The following MIA2 variants were observed in gnomAD, a reference collection of about 807,000 sequenced individuals.
MIA2 encodes the protein melanoma inhibitory activity protein 2.
MIA2 carries 127 observed loss-of-function variants against 167.8 expected under a neutral mutation model. That is an observed-to-expected ratio of 0.76 (90% confidence interval 0.66 to 0.88). MIA2 has a LOEUF of 0.88. Among genes scored for constraint, MIA2 ranks in the 40% least tolerant of loss-of-function variants. MIA2 has a pLI of 0.00. For synonymous variants in MIA2, 552 were observed against 541.9 expected (o/e 1.02, Z -0.26); for missense variants, 1,690 against 1,624.7 (o/e 1.04, Z -0.69).
Position 39,253,172 on chromosome 14 carries a change from G to A in MIA2, c.1887+1G>A. 1 of 1,608,458 alleles carries A rather than the reference G, an allele frequency of 6.2e-7. No individual in the cohort carries two copies. The highest frequency in any genetic ancestry group is 8.5e-7 in the Non-Finnish European group (1 of 1,176,692). ...ACCAATTGTAATTCTTACAGAAAGGGTAAGTTTGCCTTTTAAACCTTTTGC... is the reference window on the plus strand; with the variant it reads ...ACCAATTGTAATTCTTACAGAAAGGATAAGTTTGCCTTTTAAACCTTTTGC... On this transcript the variant is annotated splice_donor_variant, in intron 6 of 28. Coordinates refer to ENST00000640607, the MANE Select transcript of MIA2 (RefSeq NM_001329214.4). LOFTEE classifies it high-confidence loss of function.
At position 39,319,220 on chromosome 14, in the gene MIA2, C is replaced by G. The variant is rs1007022937; in HGVS notation, c.3296C>G (p.Thr1099Arg). 1.3e-6 allele frequency: 2 copies of G among 1,564,086 alleles called. No homozygotes were observed. The highest frequency in any genetic ancestry group is 2.3e-5 in the East Asian group (1 of 44,328). Reference protein sequence around the residue: ...NAHNRQKLTETELKFELLEKD... With the variant: ...NAHNRQKLTERELKFELLEKD... Reference sequence around the variant, plus strand: ...TTCTTTATTTGCAGATTAACTGAAACAGAGCTTAAATTTGAACTTTTAGAA... The same window carrying G: ...TTCTTTATTTGCAGATTAACTGAAAGAGAGCTTAAATTTGAACTTTTAGAA... The change falls in exon 23 of 29, where the codon ACA becomes AGA. Residue 1099 changes from threonine to arginine, a missense_variant. Physicochemically the swap from Thr to Arg is moderately conservative, Grantham distance 71. Transcript: ENST00000640607.
At chr14:39,291,241 A>T (rs891514014) in intron 10 of MIA2, 145 bp downstream of exon 10, 12 of 607,312 alleles carry the variant, frequency 2.0e-5, no homozygotes, top group Non-Finnish European at 3.1e-5. Flanking sequence ...GAAAATTAAT[A>T]TAGGAAATGG....
chr14:39,300,957 C>T (rs78706378), intron 14 of MIA2, among the ~76,000 whole-genome samples: 2 of 141,660 alleles, frequency 1.4e-5, no homozygotes, highest in Non-Finnish European at 3.1e-5. Context: ...TATACACATA[C>T]ATATACACAT....
At position 39,299,994 on chromosome 14, in the gene MIA2, G is replaced by C; in HGVS notation, c.2619+8G>C. On this transcript the variant is annotated splice_region_variant and intron_variant, in intron 14 of 28. Coordinates refer to ENST00000640607, the MANE Select transcript of MIA2 (RefSeq NM_001329214.4). ...AAAGAAAGTCACATCAAGGTAAATG[G>C]CTCTACTGGTTTTAGTGATCAAGTT... is the stretch of plus-strand genomic sequence containing the variant. The C allele has an allele frequency of 1.9e-6, 3 of 1,584,342 alleles. No individual in the cohort carries two copies. Among genetic ancestry groups the C allele is most frequent in the Non-Finnish European group, 2.6e-6 (3 of 1,169,922 alleles).
chr14:39,302,373 A>C (rs1351059831), intron 15 of MIA2, 124 bp downstream of exon 15: 1 of 1,098,562 alleles, frequency 9.1e-7, no homozygotes, highest in Non-Finnish European at 1.3e-6. Flanking sequence ...TCTGTCTGTG[A>C]CACACTGTCC....
intron 23 of MIA2, among the ~76,000 whole-genome samples, chr14:39,358,811 G>A (rs1386810803): frequency 1.3e-5 from 2 of 152,208 alleles, no homozygotes; most frequent in Non-Finnish European, 2.9e-5. Context: ...ATTTGCTGGA[G>A]GTCCACTCCA....
Position 39,311,466 on chromosome 14 carries a change from C to CT in MIA2, c.3018-1848dup, listed in dbSNP as rs35478238. ...TAGGACCTAGAAGCTTGATGTGTTG[C>CT]TTTTTTTTTTTTTTTTTTTTTTTTT... On this transcript the variant is annotated intron_variant, in intron 18 of 28. Coordinates refer to ENST00000640607, the MANE Select transcript of MIA2 (RefSeq NM_001329214.4). Among the ~76,000 whole-genome samples the CT allele has an allele frequency of 9.6e-3, 416 of 43,348 alleles. 45 individuals carry two copies. The highest frequency in any genetic ancestry group is 0.032 in the African/African-American group (340 of 10,784). 28.4% of individuals were successfully genotyped at this position (43,348 alleles called of 152,430 possible).
intron 1 of MIA2, 99 bp downstream of exon 1, chr14:39,234,328 C>T (rs2053636445): frequency 1.6e-6 from 1 of 643,950 alleles, no homozygotes; most frequent in Non-Finnish European, 2.6e-6. Flanking sequence ...AGTATTGATA[C>T]CATTGAGAAA....
At chr14:39,359,568 C>T (rs548465844) in intron 23 of MIA2, among the ~76,000 whole-genome samples, 3 of 152,286 alleles carry the variant, frequency 2.0e-5, no homozygotes, top group African/African-American at 7.2e-5. Flanking sequence ...TCTGCACCCA[C>T]TGTCCGACAA....
In MIA2 at chr14:39,247,041, A is replaced by C. The variant is rs768016346; in HGVS notation, c.467A>C (p.Glu156Ala). 16 of 1,603,058 alleles carry C rather than the reference A, an allele frequency of 1.0e-5. No individual in the cohort carries two copies. Among genetic ancestry groups the C allele is most frequent in the Non-Finnish European group, 1.4e-5 (16 of 1,177,076 alleles). ...EDKDEKSSIY[E>A]SDFQIEPGFY... ...AAAGATGAAAAATCTAGTATATATGAAAGTGATTTTCAGATAGAACCTGGA... is the reference window on the plus strand; with the variant it reads ...AAAGATGAAAAATCTAGTATATATGCAAGTGATTTTCAGATAGAACCTGGA... The change falls in exon 4 of 29, where the codon GAA (glutamate) becomes GCA (alanine). Residue 156 changes from glutamate to alanine, a missense_variant. Physicochemically the swap from Glu to Ala is moderately radical, Grantham distance 107 (BLOSUM62 -1). Coordinates refer to ENST00000640607, the MANE Select transcript of MIA2 (RefSeq NM_001329214.4).
At chr14:39,249,897 G>A (rs17109056) in intron 4 of MIA2, among the ~76,000 whole-genome samples, 38,386 of 151,986 alleles carry the variant, frequency 0.25, 5,430 homozygotes, top group East Asian at 0.5. Context: ...AGAACTATAC[G>A]TAATACCTTA....
Position 39,263,013 on chromosome 14 carries a change from C to A in MIA2, c.1887+9842C>A, listed in dbSNP as rs10149749. Among the ~76,000 whole-genome samples the A allele has an allele frequency of 5.0e-3, 766 of 152,336 alleles. 9 individuals carry two copies. Among genetic ancestry groups the A allele is most frequent in the African/African-American group, 0.018 (729 of 41,574 alleles). On this transcript the variant is annotated intron_variant, in intron 6 of 28. Coordinates refer to ENST00000640607, the MANE Select transcript of MIA2 (RefSeq NM_001329214.4). The stretch of plus-strand genomic sequence containing the variant: ...CTAACTGAATACCCTTTATTTCCTT[C>A]TCTTGCCTGATTGCCCTAGCCAGAA...
At chr14:39,241,469 C>A (rs549493015) in intron 3 of MIA2, among the ~76,000 whole-genome samples, 2 of 152,070 alleles carry the variant, frequency 1.3e-5, no homozygotes, top group Admixed American at 1.3e-4. Context: ...ATTCCATTTT[C>A]GCCCTAATTC....
rs2058325012 is a variant in MIA2 at position 39,277,738 on chromosome 14, ATATATGTG to A, written c.2019+675_2019+682del. ...TATGTGTGTATATATATATATATAT[ATATATGTG>A]TGTATATATATATATATATATATAT... On this transcript the variant is annotated intron_variant, in intron 7 of 28. Transcript: ENST00000640607. 5.1e-4 allele frequency among the ~76,000 whole-genome samples: 2 copies of A among 3,904 alleles called. 1 individual carries two copies. The highest frequency in any genetic ancestry group is 2.7e-3 in the African/African-American group (2 of 742). 2.6% of individuals were successfully genotyped at this position (3,904 alleles called of 152,430 possible).
At chr14:39,298,542 T>TTTTTTTTTGTTTTTTTTTTTTTTGTG (rs780707174) in intron 13 of MIA2, among the ~76,000 whole-genome samples, 1 of 97,026 alleles carries the variant, frequency 1.0e-5, no homozygotes, top group East Asian at 3.0e-4. Flanking sequence ...TTTTTTTTTT[T>TTTTTTTTTGTTTTTTTTTTTTTTGTG]TTTTTTTTTT....
intron 23 of MIA2, among the ~76,000 whole-genome samples, chr14:39,383,303 CATT>C (rs954654023): frequency 7.9e-5 from 12 of 152,102 alleles, no homozygotes; most frequent in African/African-American, 1.2e-4. Flanking sequence ...TTAGACTTTG[CATT>C]ATTATTGTAT....
At chr14:39,259,322 TC>T (rs2054968151) in intron 6 of MIA2, among the ~76,000 whole-genome samples, 1 of 152,136 alleles carries the variant, frequency 6.6e-6, no homozygotes, top group African/African-American at 2.4e-5. Context: ...GAGAAGCAGT[TC>T]CACCCAGTCC....
chr14:39,282,821 C>T (rs1490214316), intron 9 of MIA2, among the ~76,000 whole-genome samples: 1 of 152,204 alleles, frequency 6.6e-6, no homozygotes, highest in Non-Finnish European at 1.5e-5. Flanking sequence ...GATCCTCTCG[C>T]CTCAGCCTCC....
At position 39,302,259 on chromosome 14, in the gene MIA2, C is replaced by A; in HGVS notation, c.2740+10C>A. On this transcript the variant is annotated intron_variant, in intron 15 of 28. Coordinates refer to ENST00000640607, the MANE Select transcript of MIA2 (RefSeq NM_001329214.4). Reference sequence around the variant, plus strand: ...AATGGTGCTTACTTAGGTATTAAGTCATGACTCATCTCCTTTTGCTAAAAT... The same window carrying A: ...AATGGTGCTTACTTAGGTATTAAGTAATGACTCATCTCCTTTTGCTAAAAT... The A allele has an allele frequency of 6.2e-7, 1 of 1,612,378 alleles. No individual in the cohort carries two copies. The highest frequency in any genetic ancestry group is 8.5e-7 in the Non-Finnish European group (1 of 1,179,006).
Sources: gnomAD v4.1 joint callset for allele counts (sites outside exome capture counted in the v4.1 genomes callset) on GRCh38, gnomAD v4.1.1 for gene constraint, MANE v1.5 for transcripts, NCBI Gene and HGNC (gene_info 2026-07-23, HGNC 2026-07-21) for gene names.